The following SYBU variants were observed in gnomAD, a reference collection of about 807,000 sequenced individuals.
The protein encoded by SYBU is GOLSYN A protein.
SYBU carries 21 observed loss-of-function variants against 35.9 expected under a neutral mutation model. The observed-to-expected ratio is 0.58, with a 90% CI of 0.41 to 0.84. The LOEUF (loss-of-function observed/expected upper bound fraction) is 0.84. Among genes scored for constraint, SYBU ranks in the 40% least tolerant of loss-of-function variants. The pLI, the probability that SYBU is intolerant of heterozygous loss-of-function variation, is 0.00. For synonymous variants in SYBU, 319 were observed against 324.3 expected (o/e 0.98, Z 0.18); for missense variants, 768 against 848.2 (o/e 0.91, Z 1.17).
intron 3 of SYBU, among the ~76,000 whole-genome samples, chr8:109,591,702 C>T (rs1033639841): frequency 1.4e-4 from 21 of 150,724 alleles, no homozygotes; most frequent in African/African-American, 4.9e-5. Context: ...TTAGTAGAGA[C>T]GGGGTTTCAC....
intron 1 of SYBU, among the ~76,000 whole-genome samples, chr8:109,655,308 A>T (rs1816310931): frequency 6.6e-6 from 1 of 152,246 alleles, no homozygotes; most frequent in African/African-American, 2.4e-5. Flanking sequence ...GAAATAGGAT[A>T]AAATGATTTT....
At chr8:109,634,509 C>T (rs1813992918) in intron 2 of SYBU, among the ~76,000 whole-genome samples, 1 of 152,182 alleles carries the variant, frequency 6.6e-6, no homozygotes, top group African/African-American at 2.4e-5. Flanking sequence ...GAGAATTATT[C>T]ACTTGTTCTG....
At chr8:109,637,457 A>G (rs1224326800) in intron 2 of SYBU, among the ~76,000 whole-genome samples, 1 of 152,198 alleles carries the variant, frequency 6.6e-6, no homozygotes, top group Non-Finnish European at 1.5e-5. Context: ...TACTGCCTAT[A>G]TGCCTTTCGT....
At chr8:109,653,189 A>AT (rs978951907) in intron 1 of SYBU, among the ~76,000 whole-genome samples, 13 of 152,142 alleles carry the variant, frequency 8.5e-5, no homozygotes, top group Admixed American at 2.0e-4. Flanking sequence ...CATCTATTTT[A>AT]TTTTTTAAAA....
At chr8:109,687,089 C>T (rs893203817) in intron 1 of SYBU, among the ~76,000 whole-genome samples, 1 of 152,118 alleles carries the variant, frequency 6.6e-6, no homozygotes, top group African/African-American at 2.4e-5. Context: ...CTTCAGTTCA[C>T]AGTTTCAAGA....
chr8:109,656,480 A>G (rs1816361090), intron 1 of SYBU, among the ~76,000 whole-genome samples: 1 of 152,180 alleles, frequency 6.6e-6, no homozygotes, highest in Non-Finnish European at 1.5e-5. Context: ...TTTCTCTTTT[A>G]ATTATGTAAT....
chr8:109,609,822 T>C (rs1450168440), intron 3 of SYBU, among the ~76,000 whole-genome samples: 1 of 152,160 alleles, frequency 6.6e-6, no homozygotes, highest in Non-Finnish European at 1.5e-5. Context: ...TAGGGGATCT[T>C]ATATATTTAC....
At chr8:109,617,448 A>C (rs964857670) in intron 3 of SYBU, among the ~76,000 whole-genome samples, 1 of 152,216 alleles carries the variant, frequency 6.6e-6, no homozygotes, top group Non-Finnish European at 1.5e-5. Context: ...TATTGAATTG[A>C]ACACTTTATA....
chr8:109,687,067 G>T (rs1033540219), intron 1 of SYBU, among the ~76,000 whole-genome samples: 2 of 152,136 alleles, frequency 1.3e-5, no homozygotes, highest in Non-Finnish European at 2.9e-5. Context: ...AAGAACATTT[G>T]ATATGGTAAA....
chr8:109,689,855 AC>A (rs1380193184), intron 1 of SYBU, among the ~76,000 whole-genome samples: 9 of 139,480 alleles, frequency 6.5e-5, no homozygotes, highest in Middle Eastern at 3.7e-3. Context: ...AAAAAAAAAA[AC>A]CATGACTATT....
At chr8:109,587,312 G>A (rs558569705) in intron 3 of SYBU, among the ~76,000 whole-genome samples, 23 of 152,220 alleles carry the variant, frequency 1.5e-4, no homozygotes, top group African/African-American at 5.5e-4. Context: ...CCCTGTTCAC[G>A]ATACTTTCTA....
At chr8:109,595,230 G>C (rs1300420400) in intron 3 of SYBU, among the ~76,000 whole-genome samples, 1 of 152,080 alleles carries the variant, frequency 6.6e-6, no homozygotes, top group Non-Finnish European at 1.5e-5. Context: ...GGCAAGAAAG[G>C]ATTCAAAACA....
At chr8:109,618,085 A>G (rs1234649982) in intron 3 of SYBU, among the ~76,000 whole-genome samples, 1 of 152,240 alleles carries the variant, frequency 6.6e-6, no homozygotes, top group Non-Finnish European at 1.5e-5. Context: ...CAGCTCATAA[A>G]TATGGATAGC....
intron 4 of SYBU, chr8:109,580,501 A>G (rs1183283110): frequency 6.3e-6 from 1 of 158,542 alleles, no homozygotes; most frequent in African/African-American, 2.4e-5. Flanking sequence ...CAAGATAAAC[A>G]GAGCACACAT....
Position 109,644,318 on chromosome 8 carries a change from G to C in SYBU, c.24+318C>G, listed in dbSNP as rs1427780516. On this transcript the variant is annotated intron_variant, in intron 1 of 6. Transcript: ENST00000276646. The stretch of plus-strand genomic sequence containing the variant: ...GAGTCCTCTTTTCCCAGTCGCGGAT[G>C]CATCAAATTCCTTTCATTCACATCA... The C allele has an allele frequency of 1.2e-5, 7 of 569,026 alleles. No homozygotes were observed. In the African/African-American group the frequency reaches 1.3e-4, roughly 11 times the overall value. 35.2% of individuals were successfully genotyped at this position (569,026 alleles called of 1,614,324 possible).
chr8:109,679,684 C>T (rs750460398), intron 1 of SYBU, among the ~76,000 whole-genome samples: 10 of 152,196 alleles, frequency 6.6e-5, no homozygotes, highest in Non-Finnish European at 1.3e-4. Flanking sequence ...TTATTAGGAA[C>T]GAGATGACTC....
rs1182263449 is a variant in SYBU at position 109,584,185 on chromosome 8, T to C, written c.530+1875A>G. Among the ~76,000 whole-genome samples the C allele has an allele frequency of 6.6e-6, 1 of 152,178 alleles. No individual in the cohort carries two copies. Among genetic ancestry groups the C allele is most frequent in the Non-Finnish European group, 1.5e-5 (1 of 68,036 alleles). ...TTTTCAATTTTCCATCTATTAATTT[T>C]TGTTAAACCTTTGAAGTCTATTATT... is the stretch of plus-strand genomic sequence containing the variant. On this transcript the variant is annotated intron_variant, in intron 4 of 6. Coordinates refer to ENST00000276646, the MANE Select transcript of SYBU (RefSeq NM_001099754.2). This position sits in a 1 kb window ranked among gnomAD's most constrained non-coding sequence, Gnocchi z 4.0.
chr8:109,625,149 T>C (rs535266353), intron 2 of SYBU, among the ~76,000 whole-genome samples: 6 of 152,212 alleles, frequency 3.9e-5, no homozygotes, highest in African/African-American at 1.4e-4. Flanking sequence ...AAAAAAAAGT[T>C]ATGCATGCTG....
chr8:109,668,383 T>A (rs770831348), intron 1 of SYBU, among the ~76,000 whole-genome samples: 23 of 152,294 alleles, frequency 1.5e-4, no homozygotes, highest in Non-Finnish European at 2.6e-4. Flanking sequence ...TCTGGTATTT[T>A]AAAAAAATTG....
Sources: allele counts gnomAD v4.1 joint callset (sites outside exome capture counted in the v4.1 genomes callset), GRCh38; gene constraint gnomAD v4.1.1; non-coding constraint Gnocchi (gnomAD v3.1); transcripts MANE v1.5; gene names NCBI Gene and HGNC (gene_info 2026-07-23, HGNC 2026-07-21).